Variants in TG observed in about 807,000 individuals in gnomAD.
The protein encoded by TG is thyroid hormones.
TG carries 270 observed loss-of-function variants against 324.7 expected under a neutral mutation model. The observed-to-expected ratio is 0.83, with a 90% CI of 0.75 to 0.92. The LOEUF (loss-of-function observed/expected upper bound fraction) is 0.92, where lower values mean the gene tolerates loss of function less well. TG is among the 40% of genes least tolerant of loss of function. TG has a pLI of 0.00. For missense variants in TG, 3,591 were observed against 3,456.4 expected (o/e 1.04, Z -0.98); for synonymous variants, 1,401 against 1,327.0 (o/e 1.06, Z -1.21).
At chr8:133,077,701 T>C (rs1845106976) in intron 41 of TG, among the ~76,000 whole-genome samples, 1 of 151,970 alleles carries the variant, frequency 6.6e-6, no homozygotes, top group African/African-American at 2.4e-5. Flanking sequence ...CTCAGCACTT[T>C]GGACATTTTG....
chr8:132,914,936 G>A lies in TG; in HGVS notation c.4378+1671G>A, dbSNP rs115483208. On this transcript the variant is annotated intron_variant, in intron 20 of 47. Coordinates refer to ENST00000220616, the MANE Select transcript of TG (RefSeq NM_003235.5). ...CAACGCCAGATGCTGAACTAGCAGG[G>A]GTGTACTGGTGTATGTGGCGTGTGT... is the stretch of plus-strand genomic sequence containing the variant. Among the ~76,000 whole-genome samples, 672 of 152,182 alleles carry A rather than the reference G, an allele frequency of 4.4e-3. 6 individuals carry two copies. The highest frequency in any genetic ancestry group is 0.014 in the African/African-American group (582 of 41,524).
intron 8 of TG, among the ~76,000 whole-genome samples, chr8:132,884,551 G>A (rs1346898474): frequency 6.6e-6 from 1 of 152,110 alleles, no homozygotes; most frequent in African/African-American, 2.4e-5. Flanking sequence ...TATTCTTCAT[G>A]GTATGTGGTT....
In TG at chr8:133,047,603, T is replaced by C. The variant is rs113231598; in HGVS notation, c.7239+17580T>C. 3.0e-5 allele frequency: 17 copies of C among 562,224 alleles called. No homozygotes were observed. The South Asian group carries it at 3.4e-4, about 11-fold the overall frequency. The allele number at this position is 562,224 out of a possible 1,614,324, so 34.8% of individuals were successfully genotyped here. On this transcript the variant is annotated intron_variant, in intron 41 of 47. Transcript: ENST00000220616. ...CAGCAGGAGTCATCAGGCCTGATGT[T>C]GGCCAGGCCCGTGGCAGTGCCCAGC...
chr8:133,038,857 T>TA, intron 41 of TG: 1 of 626,618 alleles, frequency 1.6e-6, no homozygotes, highest in Non-Finnish European at 2.8e-6. Context: ...TCCTGGTGAC[T>TA]ATTTCTCTAA....
chr8:132,946,797 G>T (rs141409935), intron 26 of TG, among the ~76,000 whole-genome samples: 4 of 152,116 alleles, frequency 2.6e-5, no homozygotes, highest in African/African-American at 9.7e-5. Context: ...AGCTAAGCTG[G>T]CAATGTATGA....
intron 41 of TG, chr8:133,087,963 C>A (rs1303441858): frequency 6.6e-6 from 1 of 152,152 alleles, no homozygotes; most frequent in Non-Finnish European, 1.5e-5. Context: ...TTGAGTGTAC[C>A]GCAAATTCTT....
At chr8:132,880,522 G>T (rs1049432207) in intron 5 of TG, among the ~76,000 whole-genome samples, 3 of 152,224 alleles carry the variant, frequency 2.0e-5, no homozygotes, top group Non-Finnish European at 2.9e-5. Context: ...TATGCAACAC[G>T]CTTACTGTAA....
Position 133,067,198 on chromosome 8 carries a change from C to T in TG, c.7240-27846C>T, listed in dbSNP as rs149568817. 4.7e-4 allele frequency among the ~76,000 whole-genome samples: 72 copies of T among 152,156 alleles called. 1 individual carries two copies. In the East Asian group the frequency reaches 0.013, roughly 28 times the overall value. ...CTTCACAGGTGCACCTCTCTGAGTG[C>T]GAGGCTGGGGGCTGCCGAGGCCACT... On this transcript the variant is annotated intron_variant, in intron 41 of 47. Coordinates refer to ENST00000220616, the MANE Select transcript of TG (RefSeq NM_003235.5).
At chr8:132,921,266 T>G (rs1821072793) in intron 21 of TG, among the ~76,000 whole-genome samples, 1 of 152,238 alleles carries the variant, frequency 6.6e-6, no homozygotes, top group African/African-American at 2.4e-5. Context: ...AATCAAAATG[T>G]TTAGCATAAA....
At chr8:132,875,252 G>C (rs1332732283) in intron 5 of TG, among the ~76,000 whole-genome samples, 1 of 152,182 alleles carries the variant, frequency 6.6e-6, no homozygotes. Context: ...GCCTGCCTGA[G>C]AGCAAGTATA....
In TG at chr8:132,923,432, C is replaced by T. The variant is rs1821384184; in HGVS notation, c.4623C>T (p.Ala1541=). The change falls in exon 22 of 48, where the codon GCC becomes GCT. Residue 1541 remains alanine, a synonymous_variant. Transcript: ENST00000220616. The part of the protein sequence containing the change: ...ASQKDRGSGK[A]FCVDGEGRRL... ...AGAAGGACAGGGGCAGTGGGAAGGCCTTCTGTGTGGACGGCGAGGGGCGGA... is the reference window on the plus strand; with the variant it reads ...AGAAGGACAGGGGCAGTGGGAAGGCTTTCTGTGTGGACGGCGAGGGGCGGA... The T allele has an allele frequency of 1.2e-6, 2 of 1,613,976 alleles. No homozygotes were observed. Among genetic ancestry groups the T allele is most frequent in the African/African-American group, 1.3e-5 (1 of 74,900 alleles).
intron 45 of TG, among the ~76,000 whole-genome samples, chr8:133,119,747 A>G (rs1038106669): frequency 6.6e-6 from 1 of 152,202 alleles, no homozygotes; most frequent in African/African-American, 2.4e-5. Flanking sequence ...CAAGGAGTTC[A>G]ACATGATTCC....
rs1442472369 is a variant in TG, at chr8:133,128,385, T to C, written c.7863-3427T>C. On this transcript the variant is annotated intron_variant, in intron 45 of 47. Coordinates refer to ENST00000220616, the MANE Select transcript of TG (RefSeq NM_003235.5). ...CACACACACACACACACACACACAG[T>C]CATCCGCAGAGCTCTGTGGCTGGTC... 4.4e-5 allele frequency among the ~76,000 whole-genome samples: 4 copies of C among 90,496 alleles called. No homozygotes were observed. The South Asian group carries it at 1.7e-3, about 39-fold the overall frequency. 59.4% of individuals were successfully genotyped at this position (90,496 alleles called of 152,430 possible).
intron 35 of TG, chr8:132,995,145 T>C (rs1348336803): frequency 1.0e-6 from 1 of 971,508 alleles, no homozygotes; most frequent in Non-Finnish European, 1.2e-6. Flanking sequence ...TCTGTTCTAA[T>C]TCTATTCCTA....
chr8:132,983,425 T>C lies in TG; in HGVS notation c.6262+13T>C. ...CTCACAGAGAAAGGTAAGTTCATTG[T>C]CTTTTTATCTCTTGGATGAGAGTAC... On this transcript the variant is annotated intron_variant, in intron 35 of 47. Coordinates refer to ENST00000220616, the MANE Select transcript of TG (RefSeq NM_003235.5). 1.2e-6 allele frequency: 2 copies of C among 1,611,580 alleles called. No homozygotes were observed. Among genetic ancestry groups the C allele is most frequent in the Admixed American group, 1.7e-5 (1 of 60,028 alleles).
chr8:132,878,141 T>C (rs1289802254), intron 5 of TG, among the ~76,000 whole-genome samples: 1 of 152,196 alleles, frequency 6.6e-6, no homozygotes, highest in Non-Finnish European at 1.5e-5. Context: ...GTTACTTGGT[T>C]TCTACAAGAT....
chr8:133,032,930 C>T (rs552182518), intron 41 of TG, among the ~76,000 whole-genome samples: 1 of 152,268 alleles, frequency 6.6e-6, no homozygotes, highest in South Asian at 2.1e-4. Context: ...ATTTGAGGCT[C>T]AGAGAGATTT....
At chr8:132,974,666 C>G (rs1474156692) in intron 34 of TG, among the ~76,000 whole-genome samples, 2 of 152,168 alleles carry the variant, frequency 1.3e-5, no homozygotes, top group African/African-American at 4.8e-5. Context: ...TGACCTTCCC[C>G]CAACTCAATT....
chr8:133,031,645 C>T (rs1463949202), intron 41 of TG, among the ~76,000 whole-genome samples: 1 of 152,004 alleles, frequency 6.6e-6, no homozygotes, highest in Non-Finnish European at 1.5e-5. Flanking sequence ...ACTCTTGATC[C>T]TAGGAGGGTA....
Sources: gnomAD v4.1 joint callset for allele counts (sites outside exome capture counted in the v4.1 genomes callset) on GRCh38, gnomAD v4.1.1 for gene constraint, MANE v1.5 for transcripts, NCBI Gene and HGNC (gene_info 2026-07-23, HGNC 2026-07-21) for gene names.